Variants in EVC observed in about 807,000 individuals in gnomAD.
EVC encodes EvC ciliary complex subunit 1.
EVC carries 116 observed loss-of-function variants against 118.9 expected under a neutral mutation model. That is an observed-to-expected ratio of 0.98 (90% CI 0.84 to 1.14). EVC has a LOEUF of 1.14. EVC is among the 50% of genes most tolerant of loss of function. EVC has a pLI of 0.00. For missense variants in EVC, 1,401 were observed against 1,246.4 expected (o/e 1.12, Z -1.87); for synonymous variants, 619 against 534.7 (o/e 1.16, Z -2.18).
intron 8 of EVC, among the ~76,000 whole-genome samples, chr4:5,750,829 A>G (rs963537395): frequency 2.6e-5 from 4 of 152,216 alleles, no homozygotes; most frequent in Non-Finnish European, 5.9e-5. Context: ...CTATGTTTGT[A>G]TAGAAGAGGG....
At chr4:5,714,656 A>G (rs113922702) in intron 1 of EVC, among the ~76,000 whole-genome samples, 3,840 of 152,232 alleles carry the variant, frequency 0.025, 53 homozygotes, top group Admixed American at 0.034. Context: ...AATTTGGTTA[A>G]ATTTGTATTC....
chr4:5,826,981 G>C, the EVC span: 1 of 152,510 alleles, frequency 6.6e-6, no homozygotes, highest in African/African-American at 2.4e-5. Flanking sequence ...CATTCTCTGT[G>C]GCTGTGGCAT....
chr4:5,802,214 G>A, intron 16 of EVC, 120 bp downstream of exon 16: 1 of 1,384,030 alleles, frequency 7.2e-7, no homozygotes. Context: ...TTATTTCAGT[G>A]TTTTAATGTA....
the EVC span, chr4:5,825,942 GCA>G: frequency 1.1e-5 from 5 of 473,068 alleles, no homozygotes; most frequent in Non-Finnish European, 1.1e-5. The surrounding 1 kb of genome is among the most constrained non-coding windows in gnomAD (Gnocchi z 4.4). Flanking sequence ...ATGCAGTCAT[GCA>G]CACATATATG....
At chr4:5,724,078 C>T (rs970847688) in intron 2 of EVC, among the ~76,000 whole-genome samples, 4 of 152,208 alleles carry the variant, frequency 2.6e-5, no homozygotes, top group Non-Finnish European at 4.4e-5. Context: ...AACCTCTGAT[C>T]CTCAGTTCGC....
At chr4:5,757,137 T>C (rs901480625) in intron 11 of EVC, among the ~76,000 whole-genome samples, 12 of 152,296 alleles carry the variant, frequency 7.9e-5, no homozygotes, top group African/African-American at 2.9e-4. Flanking sequence ...TTCTTCATGG[T>C]GTGCTAGGAG....
intron 12 of EVC, among the ~76,000 whole-genome samples, chr4:5,788,932 A>G (rs1277440479): frequency 6.6e-6 from 1 of 152,176 alleles, no homozygotes; most frequent in Non-Finnish European, 1.5e-5. Context: ...GTGTTAGTGC[A>G]TTCTGTGTGT....
chr4:5,804,549 C>T (rs1341940174), intron 16 of EVC, among the ~76,000 whole-genome samples, 181 bp from the exon 17 acceptor site: 1 of 152,158 alleles, frequency 6.6e-6, no homozygotes, highest in East Asian at 1.9e-4. Context: ...TCTGCAGTGC[C>T]TGGTCCATGA....
rs536117452 is a variant in EVC, at chr4:5,749,371, T to C, written c.1098+1065T>C. Among the ~76,000 whole-genome samples, 180 of 150,026 alleles carry C rather than the reference T, an allele frequency of 1.2e-3. No homozygotes were observed. The highest frequency in any genetic ancestry group is 4.0e-3 in the African/African-American group (163 of 40,830). ...AAAAAAAAAAAAAAAGGTCCCTCCT[T>C]ATTTTTGTGAAGCCTGCCAACCACA... On this transcript the variant is annotated intron_variant, in intron 8 of 20. Transcript: ENST00000264956. The surrounding 1 kb of genome is among the most constrained non-coding windows in gnomAD (Gnocchi z 4.4).
intron 12 of EVC, among the ~76,000 whole-genome samples, chr4:5,792,546 A>G (rs1208004074): frequency 6.6e-6 from 1 of 152,236 alleles, no homozygotes; most frequent in Non-Finnish European, 1.5e-5. Flanking sequence ...AGAAAATAAC[A>G]GACCGATCAG....
In EVC at chr4:5,711,445, G is replaced by T; in HGVS notation, c.65G>T (p.Arg22Leu). The change falls in exon 1 of 21, where the codon CGG becomes CTG. Residue 22 changes from arginine to leucine, a missense_variant. Coordinates refer to ENST00000264956, the MANE Select transcript of EVC (RefSeq NM_153717.3). Reference sequence around the variant, plus strand: ...CTGCTGCTGGGGCGGGACGCGCTGCGGCCGGCGCCCGCCCTGCTGGCCCCC... The same window carrying T: ...CTGCTGCTGGGGCGGGACGCGCTGCTGCCGGCGCCCGCCCTGCTGGCCCCC... Reference protein sequence around the residue: ...ARLLLGRDALRPAPALLAPAV... With the variant: ...ARLLLGRDALLPAPALLAPAV... The T allele has an allele frequency of 9.8e-7, 1 of 1,025,408 alleles. No individual in the cohort carries two copies. 63.5% of individuals were successfully genotyped at this position (1,025,408 alleles called of 1,614,324 possible). A position where few individuals can be genotyped will look rare whatever the true frequency, so the allele number is the denominator to read the frequency against.
chr4:5,719,872 G>GT lies in EVC; in HGVS notation c.300+502dup, dbSNP rs1288705885. On this transcript the variant is annotated intron_variant, in intron 2 of 20. Transcript: ENST00000264956. This position sits in a 1 kb window ranked among gnomAD's most constrained non-coding sequence, Gnocchi z 4.7. ...TGCCACACTTTGTTGATTGCTCACT[G>GT]TTTGTGTGTATTTCATTGGCAGACC... Among the ~76,000 whole-genome samples, 1 of 152,164 alleles carries GT rather than the reference G, an allele frequency of 6.6e-6. No individual in the cohort carries two copies. Among genetic ancestry groups the GT allele is most frequent in the Non-Finnish European group, 1.5e-5 (1 of 68,018 alleles).
Position 5,731,299 on chromosome 4 carries a change from TG to T in EVC, c.385-124del. ...AACTCTGTGGTGTCTGCTGGCACCC[TG>T]GCCAGTCTCCTCCAGGCAGACCTTC... On this transcript the variant is annotated intron_variant, in intron 3 of 20. Coordinates refer to ENST00000264956, the MANE Select transcript of EVC (RefSeq NM_153717.3). This position sits in a 1 kb window ranked among gnomAD's most constrained non-coding sequence, Gnocchi z 5.6. 1 of 858,018 alleles carries T rather than the reference TG, an allele frequency of 1.2e-6. No homozygotes were observed. The highest frequency in any genetic ancestry group is 2.0e-6 in the Non-Finnish European group (1 of 496,324). 53.2% of individuals were successfully genotyped at this position (858,018 alleles called of 1,614,324 possible).
chr4:5,808,446 C>G (rs1315079545), intron 18 of EVC, 119 bp downstream of exon 18: 2 of 1,487,790 alleles, frequency 1.3e-6, no homozygotes, highest in Non-Finnish European at 1.8e-6. Flanking sequence ...CCTGTGGCAT[C>G]GTTGACCCGC....
intron 3 of EVC, among the ~76,000 whole-genome samples, chr4:5,730,554 G>T (rs928715085): frequency 3.9e-5 from 6 of 152,104 alleles, no homozygotes; most frequent in African/African-American, 1.4e-4. Flanking sequence ...TCACGCCATA[G>T]TCAGCAGAGC....
chr4:5,756,136 G>C lies in EVC; in HGVS notation c.1465-128G>C. 1.4e-6 allele frequency: 1 copy of C among 739,590 alleles called. No homozygotes were observed. Among genetic ancestry groups the C allele is most frequent in the South Asian group, 1.5e-5 (1 of 64,636 alleles). The allele number at this position is 739,590 out of a possible 1,614,324, so 45.8% of individuals were successfully genotyped here. ...GACAGCCCCATGCCTCAGTTTCCTTGTGTGTAATACAGGTGCCAACATCCT... is the reference window on the plus strand; with the variant it reads ...GACAGCCCCATGCCTCAGTTTCCTTCTGTGTAATACAGGTGCCAACATCCT... On this transcript the variant is annotated intron_variant, in intron 10 of 20. Coordinates refer to ENST00000264956, the MANE Select transcript of EVC (RefSeq NM_153717.3). The surrounding 1 kb of genome is among the most constrained non-coding windows in gnomAD (Gnocchi z 4.2).
chr4:5,736,896 A>C lies in EVC; in HGVS notation c.702+3461A>C, dbSNP rs541898002. 2.6e-4 allele frequency among the ~76,000 whole-genome samples: 39 copies of C among 152,326 alleles called. No individual in the cohort carries two copies. In the East Asian group the frequency reaches 6.4e-3, roughly 25 times the overall value. ...CAATGGCCTTTAGGTGTTTGAGTGA[A>C]AGAGAGTCGCGTGTCTCTCACTTTT... On this transcript the variant is annotated intron_variant, in intron 5 of 20. Coordinates refer to ENST00000264956, the MANE Select transcript of EVC (RefSeq NM_153717.3).
chr4:5,725,753 G>A (rs947903538), intron 2 of EVC, among the ~76,000 whole-genome samples: 5 of 152,040 alleles, frequency 3.3e-5, no homozygotes, highest in Admixed American at 1.3e-4. Flanking sequence ...CTTTTGTTGC[G>A]GTTGTTTTTG....
chr4:5,819,528 G>A, the EVC span, among the ~76,000 whole-genome samples: 6 of 152,202 alleles, frequency 3.9e-5, no homozygotes, highest in African/African-American at 4.8e-5. Context: ...TTCGACATGG[G>A]CTCTAGATTA....
Sources: allele counts gnomAD v4.1 joint callset (sites outside exome capture counted in the v4.1 genomes callset), GRCh38; gene constraint gnomAD v4.1.1; non-coding constraint Gnocchi (gnomAD v3.1); transcripts MANE v1.5; gene names NCBI Gene and HGNC (gene_info 2026-07-23, HGNC 2026-07-21).